The following OSMR variants were observed in gnomAD, a reference collection of about 807,000 sequenced individuals.
OSMR encodes oncostatin-M-specific receptor subunit beta.
OSMR carries 81 observed loss-of-function variants against 99.9 expected under a neutral mutation model. The ratio of observed to expected loss-of-function variants is 0.81; its 90% CI spans 0.68 to 0.97. The LOEUF (loss-of-function observed/expected upper bound fraction) is 0.97, where lower values mean the gene tolerates loss of function less well. Ranked by LOEUF, OSMR falls within the 50% of genes least tolerant of loss-of-function variation. The pLI is 0.00. For missense variants in OSMR, 1,099 were observed against 1,153.4 expected, an observed-to-expected ratio of 0.95 and a Z score of 0.68; for synonymous variants, 406 against 410.4, an observed-to-expected ratio of 0.99 and a Z score of 0.13.
At chr5:38,894,835 A>G (rs1221853810) in intron 7 of OSMR, among the ~76,000 whole-genome samples, 1 of 152,160 alleles carries the variant, frequency 6.6e-6, no homozygotes, top group Non-Finnish European at 1.5e-5. Flanking sequence ...CTGGACTTAC[A>G]TTCAACACTG....
At position 38,917,641 on chromosome 5, in the gene OSMR, A is replaced by G. The variant is rs369600499; in HGVS notation, c.1362+19A>G. On this transcript the variant is annotated intron_variant, in intron 10 of 17. Transcript: ENST00000274276. Reference sequence around the variant, plus strand: ...CTGGAAGGTAAGATGTGCAGATTCCAAAAGTCTGATTGTTTCCAAAAGTCA... The same window carrying G: ...CTGGAAGGTAAGATGTGCAGATTCCGAAAGTCTGATTGTTTCCAAAAGTCA... 1 of 1,592,514 alleles carries G rather than the reference A, an allele frequency of 6.3e-7. No individual in the cohort carries two copies. The highest frequency in any genetic ancestry group is 1.3e-5 in the African/African-American group (1 of 74,448).
In OSMR at chr5:38,914,987, A is replaced by C. The variant is rs534949064; in HGVS notation, c.1286-2559A>C. 1.8e-4 allele frequency among the ~76,000 whole-genome samples: 28 copies of C among 152,316 alleles called. No individual in the cohort carries two copies. In the South Asian group the frequency reaches 5.4e-3, roughly 29 times the overall value. On this transcript the variant is annotated intron_variant, in intron 9 of 17. Coordinates refer to ENST00000274276, the MANE Select transcript of OSMR (RefSeq NM_003999.3). ...ACATGTACTCCCTGACTCTAAATAAAATTATAAAAAGAGAGTTTCTAGGAA... is the reference window on the plus strand; with the variant it reads ...ACATGTACTCCCTGACTCTAAATAACATTATAAAAAGAGAGTTTCTAGGAA...
At position 38,924,485 on chromosome 5, in the gene OSMR, G is replaced by A. The variant is rs768186313; in HGVS notation, c.1934G>A (p.Trp645Ter). 1 of 1,613,856 alleles carries A rather than the reference G, an allele frequency of 6.2e-7. No homozygotes were observed. Among genetic ancestry groups the A allele is most frequent in the African/African-American group, 1.3e-5 (1 of 74,910 alleles). The change falls in exon 14 of 18, where the codon TGG becomes TAG. Residue 645 changes from tryptophan (W) to a stop codon, truncating the protein, a stop_gained. Coordinates refer to ENST00000274276, the MANE Select transcript of OSMR (RefSeq NM_003999.3). LOFTEE classifies it high-confidence loss of function. ...TLTSHSFTLS[W>*]KDYSTESQPG... ...ACATCCCACTCCTTCACTCTGAGTT[G>A]GAAAGATTACTCTACTGAATCTCAA...
chr5:38,861,726 G>GAC (rs1741344737), intron 1 of OSMR, among the ~76,000 whole-genome samples: 1 of 150,994 alleles, frequency 6.6e-6, no homozygotes, highest in South Asian at 2.1e-4. Flanking sequence ...TCGCGGACAG[G>GAC]GGGGCTGGCC....
At chr5:38,941,291 A>G (rs1747543086) in intron 1 of OSMR, 2 of 231,890 alleles carry the variant, frequency 8.6e-6, no homozygotes, top group Admixed American at 1.1e-4. Context: ...AAGGCTTTTC[A>G]CTACAATTTT....
At chr5:38,911,981 C>T (rs550602109) in intron 9 of OSMR, among the ~76,000 whole-genome samples, 1 of 152,086 alleles carries the variant, frequency 6.6e-6, no homozygotes, top group African/African-American at 2.4e-5. Flanking sequence ...AAGCTGGAAG[C>T]ATTCCACTTG....
chr5:38,917,085 T>G (rs1187005235), intron 9 of OSMR, among the ~76,000 whole-genome samples: 3 of 151,932 alleles, frequency 2.0e-5, no homozygotes, highest in Non-Finnish European at 4.4e-5. Flanking sequence ...AGCACTCCAG[T>G]GAGCGGGCCA....
chr5:38,868,145 A>T (rs1742088585), intron 1 of OSMR, among the ~76,000 whole-genome samples: 1 of 152,076 alleles, frequency 6.6e-6, no homozygotes, highest in East Asian at 1.9e-4. Flanking sequence ...TTTCTTTACC[A>T]ATCTTTGCTT....
At position 38,921,716 on chromosome 5, in the gene OSMR, G is replaced by A. The variant is rs1746244303; in HGVS notation, c.1687G>A (p.Asp563Asn). Residue 563 changes from aspartate to asparagine, a missense_variant, in exon 12 of 18, where the codon GAC (aspartate) becomes AAC (asparagine). Transcript: ENST00000274276. Reference protein sequence around the residue: ...DVIGYVVDWCDHTQDVLGDFQ... With the variant: ...DVIGYVVDWCNHTQDVLGDFQ... ...TATAGGCTATGTTGTGGACTGGTGT[G>A]ACCATACCCAGGATGTGCTCGGTGA... The A allele has an allele frequency of 6.2e-7, 1 of 1,614,022 alleles. No individual in the cohort carries two copies. Among genetic ancestry groups the A allele is most frequent in the African/African-American group, 1.3e-5 (1 of 74,916 alleles).
Position 38,933,446 on chromosome 5 carries a change from C to T in OSMR, c.*2C>T. 2 of 1,614,084 alleles carry T rather than the reference C, an allele frequency of 1.2e-6. No individual in the cohort carries two copies. Among genetic ancestry groups the T allele is most frequent in the Non-Finnish European group, 1.7e-6 (2 of 1,179,976 alleles). On this transcript the variant is annotated 3_prime_UTR_variant, in exon 18 of 18. Coordinates refer to ENST00000274276, the MANE Select transcript of OSMR (RefSeq NM_003999.3). ...GATCCAGGTGAACACTACTGCTAAC[C>T]AGCATGCCGATTTCATACCTTATGC...
intron 1 of OSMR, among the ~76,000 whole-genome samples, chr5:38,858,774 AT>A (rs1741057144): frequency 1.3e-5 from 2 of 151,902 alleles, no homozygotes; most frequent in African/African-American, 2.4e-5. Flanking sequence ...AGCATTTGTT[AT>A]TTTTGCCTTT....
At chr5:38,914,334 G>A (rs1328352423) in intron 9 of OSMR, among the ~76,000 whole-genome samples, 1 of 152,160 alleles carries the variant, frequency 6.6e-6, no homozygotes, top group Non-Finnish European at 1.5e-5. Context: ...GAGGACACAA[G>A]TCAAAATGGC....
intron 1 of OSMR, among the ~76,000 whole-genome samples, chr5:38,943,664 T>A (rs1747848188): frequency 6.6e-6 from 1 of 152,008 alleles, no homozygotes; most frequent in South Asian, 2.1e-4. Context: ...AATACAAAAA[T>A]TAGCTAGGTG....
chr5:38,870,570 C>T (rs1742310249), intron 2 of OSMR, among the ~76,000 whole-genome samples: 1 of 152,176 alleles, frequency 6.6e-6, no homozygotes, highest in African/African-American at 2.4e-5. Context: ...CAGTTGCTTG[C>T]AGCTTGCAGA....
At chr5:38,918,138 C>T (rs1746023503) in intron 10 of OSMR, among the ~76,000 whole-genome samples, 1 of 151,882 alleles carries the variant, frequency 6.6e-6, no homozygotes, top group Non-Finnish European at 1.5e-5. Flanking sequence ...CTCAACCTAC[C>T]CCACTTTTTT....
chr5:38,887,843 G>T (rs1743890135), intron 7 of OSMR, among the ~76,000 whole-genome samples: 1 of 151,950 alleles, frequency 6.6e-6, no homozygotes, highest in Middle Eastern at 3.4e-3. Flanking sequence ...ATTTCTTTAG[G>T]CCTCTGTTAA....
rs571308574 is a variant in OSMR, at chr5:38,932,045, T to C, written c.2294+81T>C. The C allele has an allele frequency of 4.2e-4, 433 of 1,029,224 alleles. 5 individuals are homozygous for C. The South Asian group carries it at 4.7e-3, about 11-fold the overall frequency. The allele number at this position is 1,029,224 out of a possible 1,614,324, so 63.8% of individuals were successfully genotyped here. A position where few individuals can be genotyped will look rare whatever the true frequency, so the allele number is the denominator to read the frequency against. The stretch of plus-strand genomic sequence containing the variant: ...GAGATTTAGTAAGATAGAAATGACA[T>C]TGAATAATATGAAACAACGTATAAA... On this transcript the variant is annotated intron_variant, in intron 16 of 17. Transcript: ENST00000274276.
chr5:38,892,040 A>T (rs2112454177), intron 7 of OSMR, among the ~76,000 whole-genome samples: 1 of 152,224 alleles, frequency 6.6e-6, no homozygotes, highest in Non-Finnish European at 1.5e-5. Context: ...CATGGCTCTG[A>T]GTTCCTCTGG....
intron 15 of OSMR, among the ~76,000 whole-genome samples, chr5:38,926,052 T>C (rs1381726144): frequency 1.3e-5 from 2 of 152,176 alleles, no homozygotes; most frequent in Non-Finnish European, 2.9e-5. Context: ...AAATTTATTC[T>C]CATGGCAAAC....
Sources: allele counts gnomAD v4.1 joint callset (sites outside exome capture counted in the v4.1 genomes callset), GRCh38; gene constraint gnomAD v4.1.1; transcripts MANE v1.5; gene names NCBI Gene and HGNC (gene_info 2026-07-23, HGNC 2026-07-21).